Variants in OPRM1 observed in about 807,000 individuals in gnomAD.
OPRM1 encodes the protein opioid receptor mu 1.
OPRM1 carries 27 observed loss-of-function variants against 31.8 expected under a neutral mutation model. That is an observed-to-expected ratio of 0.85 (90% confidence interval 0.63 to 1.17). The LOEUF is 1.17. Among genes scored for constraint, OPRM1 ranks in the 50% most tolerant of loss-of-function variants. The probability of loss-of-function intolerance (pLI) is 0.00; values close to 1 mark genes in which losing one functional copy is unlikely to be tolerated. For synonymous variants in OPRM1, 196 were observed against 189.9 expected, an observed-to-expected ratio of 1.03 and a Z score of -0.26; for missense variants, 536 against 511.1, an observed-to-expected ratio of 1.05 and a Z score of -0.47.
At chr6:154,079,176 T>G (rs955916684) in intron 1 of OPRM1, among the ~76,000 whole-genome samples, 1 of 152,202 alleles carries the variant, frequency 6.6e-6, no homozygotes, top group Admixed American at 6.5e-5. Flanking sequence ...GTAAGAGATG[T>G]GACCTCTCGC....
In OPRM1 at chr6:154,100,143, A is replaced by AT. The variant is rs1397471811; in HGVS notation, c.1164+8673dup. Among the ~76,000 whole-genome samples the AT allele has an allele frequency of 1.1e-4, 11 of 99,554 alleles. 2 individuals carry two copies. Among genetic ancestry groups the AT allele is most frequent in the African/African-American group, 4.7e-4 (11 of 23,300 alleles). The allele number at this position is 99,554 out of a possible 152,430, so 65.3% of individuals were successfully genotyped here. A position where few individuals can be genotyped will look rare whatever the true frequency, so the allele number is the denominator to read the frequency against. On this transcript the variant is annotated intron_variant, in intron 3 of 3. Transcript: ENST00000330432. Reference sequence around the variant, plus strand: ...TATCATATTATGACATATAATATATATTATCATATTATGACGTATCATAAT... The same window carrying AT: ...TATCATATTATGACATATAATATATATTTATCATATTATGACGTATCATAAT...
At chr6:154,216,409 T>C (rs1408553837) in intron 3 of OPRM1, among the ~76,000 whole-genome samples, 2 of 151,942 alleles carry the variant, frequency 1.3e-5, no homozygotes, top group East Asian at 1.9e-4. Flanking sequence ...TCCAAATTTG[T>C]AATGGAAATT....
At chr6:154,138,645 C>T (rs1417324235) in intron 3 of OPRM1, among the ~76,000 whole-genome samples, 3 of 152,160 alleles carry the variant, frequency 2.0e-5, no homozygotes, top group Non-Finnish European at 2.9e-5. Flanking sequence ...TCCAAGGGGT[C>T]CTGTTAATTC....
At chr6:154,140,936 T>G (rs1384762797) in intron 3 of OPRM1, among the ~76,000 whole-genome samples, 1 of 152,172 alleles carries the variant, frequency 6.6e-6, no homozygotes, top group Non-Finnish European at 1.5e-5. Flanking sequence ...GAAGCCAGAC[T>G]GAATGAATGA....
At chr6:154,137,904 C>T (rs572049610) in intron 3 of OPRM1, among the ~76,000 whole-genome samples, 1 of 152,316 alleles carries the variant, frequency 6.6e-6, no homozygotes, top group East Asian at 1.9e-4. Flanking sequence ...GGCTGAGACC[C>T]ATCTTTCTGT....
chr6:154,132,673 G>T (rs571875386), downstream of OPRM1, among the ~76,000 whole-genome samples: 3 of 152,250 alleles, frequency 2.0e-5, no homozygotes, highest in East Asian at 5.8e-4. Flanking sequence ...TCCACTGATA[G>T]TCTACTTTTT....
chr6:154,236,215 A>G (rs1357590260), intron 3 of OPRM1, among the ~76,000 whole-genome samples: 3 of 152,236 alleles, frequency 2.0e-5, no homozygotes, highest in Admixed American at 6.5e-5. Context: ...ATTCAGCTTA[A>G]AAAGGAAGAC....
chr6:154,152,347 G>GA, intron 3 of OPRM1, among the ~76,000 whole-genome samples: 5 of 65,202 alleles, frequency 7.7e-5, no homozygotes, highest in African/African-American at 2.8e-4. Context: ...AAGAAAGAAA[G>GA]GAAAGAAAGA....
downstream of OPRM1, among the ~76,000 whole-genome samples, chr6:154,134,130 T>C (rs7774038): frequency 0.052 from 7,888 of 152,302 alleles, 678 homozygotes; most frequent in African/African-American, 0.18. Flanking sequence ...TAGATTTGTC[T>C]TTCTGAAAGA....
At chr6:154,180,402 A>AT (rs773970493) in intron 3 of OPRM1, among the ~76,000 whole-genome samples, 1 of 138,674 alleles carries the variant, frequency 7.2e-6, no homozygotes, top group Non-Finnish European at 1.5e-5. Flanking sequence ...ATATATATAT[A>AT]TATATATATA....
intron 1 of OPRM1, among the ~76,000 whole-genome samples, chr6:154,088,664 G>A (rs916370450): frequency 6.6e-6 from 1 of 152,096 alleles, no homozygotes; most frequent in East Asian, 1.9e-4. Flanking sequence ...TTATCAAATT[G>A]TATACTTTAA....
At chr6:154,038,757 T>C (rs1262490793), upstream of OPRM1, among the ~76,000 whole-genome samples, 1 of 152,180 alleles carries the variant, frequency 6.6e-6, no homozygotes, top group East Asian at 1.9e-4. Flanking sequence ...ACCCTAGAAA[T>C]TGGGGAAAAT....
intron 1 of OPRM1, among the ~76,000 whole-genome samples, chr6:154,032,956 G>A (rs1451223629): frequency 6.6e-6 from 1 of 152,166 alleles, no homozygotes; most frequent in Non-Finnish European, 1.5e-5. Context: ...TGAAGCTTTA[G>A]AGAAACAACA....
chr6:154,240,110 C>G (rs912215915), intron 3 of OPRM1, among the ~76,000 whole-genome samples: 1 of 152,206 alleles, frequency 6.6e-6, no homozygotes, highest in African/African-American at 2.4e-5. Flanking sequence ...GCCCATAATT[C>G]TCATTTTGGT....
At chr6:154,136,376 T>C (rs1490825829), downstream of OPRM1, among the ~76,000 whole-genome samples, 1 of 152,152 alleles carries the variant, frequency 6.6e-6, no homozygotes, top group Non-Finnish European at 1.5e-5. Context: ...AGAGAAGAAA[T>C]AAGAGAAACT....
chr6:154,024,912 T>C (rs1416614482), intron 1 of OPRM1, among the ~76,000 whole-genome samples: 2 of 152,104 alleles, frequency 1.3e-5, no homozygotes, highest in Non-Finnish European at 2.9e-5. Flanking sequence ...AGATGCTTGA[T>C]ATTTAATTTT....
At chr6:154,107,406 A>G in intron 3 of OPRM1, 1 of 714,606 alleles carries the variant, frequency 1.4e-6, no homozygotes, top group East Asian at 2.7e-5. Context: ...CAGTCCGCAG[A>G]GGAGAAGAGA....
At chr6:154,046,107 TA>T (rs1486775285) in intron 1 of OPRM1, among the ~76,000 whole-genome samples, 3 of 152,346 alleles carry the variant, frequency 2.0e-5, no homozygotes, top group Admixed American at 2.0e-4. Flanking sequence ...GTTAGCACAG[TA>T]AAATCTGTTT....
intron 1 of OPRM1, among the ~76,000 whole-genome samples, chr6:154,029,530 A>C (rs1358807471): frequency 2.0e-5 from 3 of 152,236 alleles, no homozygotes; most frequent in Admixed American, 6.5e-5. Flanking sequence ...TTTCAAAAAA[A>C]CCAATTCTAT....
Sources: allele counts gnomAD v4.1 joint callset (sites outside exome capture counted in the v4.1 genomes callset), GRCh38; gene constraint gnomAD v4.1.1; transcripts MANE v1.5; gene names NCBI Gene and HGNC (gene_info 2026-07-23, HGNC 2026-07-21).